HAUS7: variants seen among roughly 807,000 people sequenced by gnomAD.
HAUS7 encodes the protein HAUS augmin like complex subunit 7.
A neutral mutation model predicts 28.4 loss-of-function variants in HAUS7; 3 were observed. That is an observed-to-expected ratio of 0.11 (90% CI 0.05 to 0.27). The LOEUF (loss-of-function observed/expected upper bound fraction) is 0.27. Among genes scored for constraint, HAUS7 ranks in the 10% least tolerant of loss-of-function variants. HAUS7 has a pLI of 1.00. For missense variants in HAUS7, 284 were observed against 297.3 expected (o/e 0.96, Z 0.33); for synonymous variants, 165 against 132.1 (o/e 1.25, Z -1.71).
chrX:153,492,404 C>T (rs1413835692), intron 1 of HAUS7, among the ~76,000 whole-genome samples: 1 of 109,731 alleles, frequency 9.1e-6, no homozygotes, highest in East Asian at 2.9e-4. Flanking sequence ...AGGGCCAGGC[C>T]GAGTGACTCA....
At chrX:153,452,908 G>A (rs2089256926) in intron 9 of HAUS7, among the ~76,000 whole-genome samples, 1 of 111,999 alleles carries the variant, frequency 8.9e-6, no homozygotes, top group Non-Finnish European at 1.9e-5. Flanking sequence ...TTCAACCCAG[G>A]AGGTGGAGGT....
intron 1 of HAUS7, among the ~76,000 whole-genome samples, chrX:153,469,780 A>C (rs1376994167): frequency 5.4e-5 from 6 of 111,940 alleles, no homozygotes; most frequent in African/African-American, 2.0e-4. Flanking sequence ...CTCTTGTGGC[A>C]GCAGGACCTA....
intron 7 of HAUS7, 61 bp downstream of exon 7, chrX:153,456,204 G>A: frequency 2.3e-6 from 2 of 886,446 alleles, no homozygotes; most frequent in African/African-American, 3.9e-5. Flanking sequence ...ACGTGCTGAG[G>A]GAGGTGACAA....
chrX:153,490,360 A>C (rs916315233), intron 1 of HAUS7, among the ~76,000 whole-genome samples: 1 of 112,732 alleles, frequency 8.9e-6, no homozygotes, highest in Non-Finnish European at 1.9e-5. Context: ...AGGTCAAAAA[A>C]AGCTCCTGGC....
chrX:153,492,056 G>A (rs1437904952), intron 1 of HAUS7, among the ~76,000 whole-genome samples: 1 of 112,351 alleles, frequency 8.9e-6, no homozygotes, highest in Non-Finnish European at 1.9e-5. Flanking sequence ...GGGGAGCTAA[G>A]ACAGCTGTGT....
chrX:153,487,741 T>C (rs1378684170), intron 1 of HAUS7, among the ~76,000 whole-genome samples: 1 of 112,759 alleles, frequency 8.9e-6, no homozygotes, highest in Non-Finnish European at 1.9e-5. Flanking sequence ...TTTCTGACTG[T>C]CTGCCTGAGC....
In HAUS7 at chrX:153,470,539, C is replaced by G; in HGVS notation, c.19G>C (p.Gly7Arg). The change falls in exon 1 of 10, where the codon GGC (glycine) becomes CGC (arginine). Residue 7 changes from glycine to arginine, a missense_variant. Physicochemically the swap from Gly to Arg is moderately radical, Grantham distance 125. Transcript: ENST00000370211. MAGQDA[G>R]CGRGGDDYSE... is the part of the protein sequence containing the mutation. ...TAGTCGTCGCCGCCACGGCCGCAGC[C>G]AGCGTCCTGCCCCGCCATGTTTCGC... 1 of 1,192,917 alleles carries G rather than the reference C, an allele frequency of 8.4e-7. No individual in the cohort carries two copies. Among genetic ancestry groups the G allele is most frequent in the Non-Finnish European group, 1.1e-6 (1 of 886,650 alleles).
At chrX:153,486,869 G>A in intron 1 of HAUS7, 1 of 921,202 alleles carries the variant, frequency 1.1e-6, no homozygotes, top group Non-Finnish European at 1.4e-6. Context: ...GGAGGGGCAG[G>A]CTGAGGTGTG....
At chrX:153,451,474 C>T (rs2089238713) in intron 9 of HAUS7, among the ~76,000 whole-genome samples, 1 of 111,844 alleles carries the variant, frequency 8.9e-6, no homozygotes, top group Non-Finnish European at 1.9e-5. Context: ...TCCTCAGTGC[C>T]TGGTATACAT....
intron 1 of HAUS7, among the ~76,000 whole-genome samples, chrX:153,494,755 T>TG (rs2089695243): frequency 2.4e-4 from 1 of 4,230 alleles, no homozygotes; most frequent in Admixed American, 2.4e-3. Context: ...GGGGAGGTGG[T>TG]GGGGGCGAGG....
upstream of HAUS7, among the ~76,000 whole-genome samples, chrX:153,474,594 C>T (rs1056076144): frequency 3.6e-4 from 40 of 111,250 alleles, no homozygotes; most frequent in Non-Finnish European, 6.1e-4. Context: ...CCATCTTTGT[C>T]CTCCTGCCCC....
chrX:153,461,982 A>C, intron 4 of HAUS7: 1 of 469,185 alleles, frequency 2.1e-6, no homozygotes, highest in Non-Finnish European at 3.7e-6. Context: ...ATCGTAGAAA[A>C]CCAGCTGTAG....
At chrX:153,456,182 C>T (rs782460595) in intron 7 of HAUS7, 83 bp downstream of exon 7, 73 of 744,644 alleles carry the variant, frequency 9.8e-5, no homozygotes, top group Admixed American at 2.3e-4. Context: ...CAGGCAACCT[C>T]GCCTAAGCCT....
In HAUS7 at chrX:153,476,718, G is replaced by T. The variant is rs184266473; in HGVS notation, c.-588-5573C>A. Reference sequence around the variant, plus strand: ...GTTCCTGATGTCACATGGCCAGTCCGTCCATGGCAGAACTGGGAGCCCAAA... The same window carrying T: ...GTTCCTGATGTCACATGGCCAGTCCTTCCATGGCAGAACTGGGAGCCCAAA... On this transcript the variant is annotated intron_variant, in intron 1 of 5. Transcript: ENST00000370210. 6.2e-5 allele frequency among the ~76,000 whole-genome samples: 7 copies of T among 112,113 alleles called. No individual in the cohort carries two copies. In the South Asian group the frequency reaches 2.6e-3, roughly 42 times the overall value.
intron 1 of HAUS7, among the ~76,000 whole-genome samples, chrX:153,489,827 C>T (rs1452616448): frequency 8.9e-6 from 1 of 112,391 alleles, no homozygotes; most frequent in African/African-American, 3.2e-5. Context: ...CCCTCGCCTT[C>T]GCCACATTCT....
rs188688897 is a variant in HAUS7 at position 153,478,912 on chromosome X, G to A, written c.-588-7767C>T. On this transcript the variant is annotated intron_variant, in intron 1 of 5. Transcript: ENST00000370210. ...GTGGTGGGCCTCTCAGGCCTGCCAC[G>A]TGTGAGACAGAAGCCCCATTCATGG... Among the ~76,000 whole-genome samples the A allele has an allele frequency of 4.9e-3, 549 of 112,673 alleles. 4 individuals are homozygous for A. Among genetic ancestry groups the A allele is most frequent in the African/African-American group, 0.017 (530 of 31,045 alleles).
chrX:153,451,489 T>C (rs2089238926), intron 9 of HAUS7, among the ~76,000 whole-genome samples: 1 of 111,378 alleles, frequency 9.0e-6, no homozygotes, highest in Non-Finnish European at 1.9e-5. Flanking sequence ...ATACATGGGG[T>C]AGTTATGTGC....
At chrX:153,486,103 C>T (rs1015361797) in intron 1 of HAUS7, 2 of 933,844 alleles carry the variant, frequency 2.1e-6, no homozygotes, top group Non-Finnish European at 2.7e-6. Context: ...TCAGGTAGGG[C>T]CCCCCTCCTC....
At chrX:153,483,444 C>T (rs1005441005) in intron 1 of HAUS7, 4 of 754,719 alleles carry the variant, frequency 5.3e-6, no homozygotes, top group African/African-American at 2.3e-5. Context: ...ATTCATCTCC[C>T]GTGAGTGGCA....
Sources: allele counts gnomAD v4.1 joint callset (sites outside exome capture counted in the v4.1 genomes callset), GRCh38; gene constraint gnomAD v4.1.1; transcripts MANE v1.5; gene names NCBI Gene and HGNC (gene_info 2026-07-23, HGNC 2026-07-21).